The following CPA6 variants were observed in gnomAD, a reference collection of about 807,000 sequenced individuals.
The protein encoded by CPA6 is carboxypeptidase A6, also known as carboxypeptidase B.
Under a neutral mutation model 63.3 loss-of-function variants are expected in CPA6, and 58 were observed. That is an observed-to-expected ratio of 0.92 (90% CI 0.74 to 1.14). The LOEUF is 1.14. Ranked by LOEUF, CPA6 falls within the 50% of genes most tolerant of loss-of-function variation. CPA6 has a pLI of 0.00. For missense variants in CPA6, 565 were observed against 526.6 expected, an observed-to-expected ratio of 1.07 and a Z score of -0.71; for synonymous variants, 185 against 179.0, an observed-to-expected ratio of 1.03 and a Z score of -0.27.
At chr8:67,590,857 T>C (rs1231484818) in intron 2 of CPA6, among the ~76,000 whole-genome samples, 1 of 151,982 alleles carries the variant, frequency 6.6e-6, no homozygotes, top group Admixed American at 6.5e-5. Context: ...CTGATGGTAG[T>C]TTCTTTTCCT....
At chr8:67,486,148 A>C (rs1279185659) in intron 6 of CPA6, among the ~76,000 whole-genome samples, 1 of 152,206 alleles carries the variant, frequency 6.6e-6, no homozygotes, top group Non-Finnish European at 1.5e-5. Context: ...TGATGTGTCA[A>C]ATAATTTTCT....
chr8:67,669,928 T>A (rs902181280), intron 1 of CPA6, among the ~76,000 whole-genome samples: 6 of 152,196 alleles, frequency 3.9e-5, no homozygotes, highest in Non-Finnish European at 8.8e-5. Flanking sequence ...CACAAAAGGT[T>A]AAATATCAGC....
chr8:67,467,534 C>G (rs189392125), intron 8 of CPA6, among the ~76,000 whole-genome samples: 7 of 152,272 alleles, frequency 4.6e-5, no homozygotes, highest in African/African-American at 1.7e-4. Context: ...ACCTCCCTTT[C>G]CCTCTGCTTC....
chr8:67,686,712 A>G (rs1816716613), intron 1 of CPA6, among the ~76,000 whole-genome samples: 1 of 152,230 alleles, frequency 6.6e-6, no homozygotes, highest in Admixed American at 6.5e-5. Flanking sequence ...AACTGTATGA[A>G]AGAACAGTTA....
intron 1 of CPA6, among the ~76,000 whole-genome samples, chr8:67,712,517 AG>A (rs1346914101): frequency 6.6e-6 from 1 of 152,140 alleles, no homozygotes; most frequent in East Asian, 1.9e-4. Flanking sequence ...TCCACCAAAG[AG>A]CAATCCCTGA....
chr8:67,593,040 C>T (rs570177172), intron 2 of CPA6, among the ~76,000 whole-genome samples: 12 of 149,678 alleles, frequency 8.0e-5, no homozygotes, highest in Non-Finnish European at 1.5e-4. Flanking sequence ...AAATTTCCCT[C>T]TACACACTGC....
At chr8:67,491,372 A>G (rs1323047994) in intron 6 of CPA6, among the ~76,000 whole-genome samples, 1 of 152,052 alleles carries the variant, frequency 6.6e-6, no homozygotes, top group African/African-American at 2.4e-5. Context: ...AGGGTGAAAA[A>G]CTGAAAATGA....
intron 2 of CPA6, among the ~76,000 whole-genome samples, chr8:67,578,379 T>C (rs550033840): frequency 6.6e-6 from 1 of 152,372 alleles, no homozygotes; most frequent in East Asian, 1.9e-4. Flanking sequence ...TGCTCAAATG[T>C]AACACAATCA....
intron 2 of CPA6, among the ~76,000 whole-genome samples, chr8:67,561,049 A>G (rs1462449576): frequency 2.6e-5 from 4 of 152,166 alleles, no homozygotes; most frequent in African/African-American, 9.7e-5. Flanking sequence ...TAAAATTCCT[A>G]TTCTAATTCA....
Position 67,683,133 on chromosome 8 carries a change from G to A in CPA6, c.117-58882C>T, listed in dbSNP as rs369806328. ...TAGCAGTAGCTGGAGCAATCATAGC[G>A]CTGTTTGCTTATTCCCCCTGTGGGA... On this transcript the variant is annotated intron_variant, in intron 1 of 10. Transcript: ENST00000297770. Among the ~76,000 whole-genome samples the A allele has an allele frequency of 2.2e-4, 33 of 152,260 alleles. No homozygotes were observed. The South Asian group carries it at 5.2e-3, about 24-fold the overall frequency.
chr8:67,523,762 G>A (rs955998389), intron 2 of CPA6, among the ~76,000 whole-genome samples: 1 of 152,184 alleles, frequency 6.6e-6, no homozygotes, highest in Non-Finnish European at 1.5e-5. Flanking sequence ...CCTGGTTCAG[G>A]TACCATGGGA....
intron 2 of CPA6, among the ~76,000 whole-genome samples, chr8:67,551,516 T>G (rs906814642): frequency 1.3e-5 from 2 of 152,190 alleles, no homozygotes; most frequent in African/African-American, 4.8e-5. Flanking sequence ...TCTTTTATGG[T>G]TCTATATAAA....
At chr8:67,634,243 G>A (rs1326733478) in intron 1 of CPA6, among the ~76,000 whole-genome samples, 3 of 143,770 alleles carry the variant, frequency 2.1e-5, no homozygotes, top group Admixed American at 6.9e-5. Context: ...TTTTTGAGAC[G>A]GAGTCTCGCT....
At chr8:67,670,117 T>C (rs954076134) in intron 1 of CPA6, among the ~76,000 whole-genome samples, 10 of 152,220 alleles carry the variant, frequency 6.6e-5, no homozygotes, top group Non-Finnish European at 1.2e-4. Flanking sequence ...ACATGCCTAT[T>C]AGCACACGTA....
intron 8 of CPA6, among the ~76,000 whole-genome samples, chr8:67,461,620 A>G (rs918670291): frequency 6.6e-6 from 1 of 152,100 alleles, no homozygotes; most frequent in Non-Finnish European, 1.5e-5. Flanking sequence ...GGGTCTCCTC[A>G]CTTCCCAGTA....
At chr8:67,631,281 A>G (rs896594955) in intron 1 of CPA6, among the ~76,000 whole-genome samples, 1 of 152,316 alleles carries the variant, frequency 6.6e-6, no homozygotes, top group Non-Finnish European at 1.5e-5. Flanking sequence ...GGATGCACCA[A>G]TCAGCACTCT....
intron 6 of CPA6, among the ~76,000 whole-genome samples, chr8:67,494,215 T>A (rs1811663680): frequency 6.6e-6 from 1 of 152,044 alleles, no homozygotes. Flanking sequence ...GTTTTTTTTT[T>A]AAACATAGCA....
rs79941866 is a variant in CPA6 at position 67,558,992 on chromosome 8, T to A, written c.193-40945A>T. Among the ~76,000 whole-genome samples the A allele has an allele frequency of 5.5e-4, 83 of 152,288 alleles. 1 individual carries two copies. The East Asian group carries it at 0.015, about 27-fold the overall frequency. On this transcript the variant is annotated intron_variant, in intron 2 of 10. Transcript: ENST00000297770. ...TGTCAAATTATATTGGCTCCCAAAT[T>A]TTACCACCCTGTCTAATGTTGACTC...
At chr8:67,531,751 G>A (rs1267527507) in intron 2 of CPA6, among the ~76,000 whole-genome samples, 1 of 152,068 alleles carries the variant, frequency 6.6e-6, no homozygotes, top group Non-Finnish European at 1.5e-5. Flanking sequence ...GCAACTGAAA[G>A]TCTAAACAGA....
Sources: allele counts gnomAD v4.1 joint callset (sites outside exome capture counted in the v4.1 genomes callset), GRCh38; gene constraint gnomAD v4.1.1; transcripts MANE v1.5; gene names NCBI Gene and HGNC (gene_info 2026-07-23, HGNC 2026-07-21).